The following BRWD3 variants were observed in gnomAD, a reference collection of about 807,000 sequenced individuals.
The protein encoded by BRWD3 is bromodomain and WD repeat-containing protein 3.
Under a neutral mutation model 149.7 loss-of-function variants are expected in BRWD3, and 10 were observed. The observed-to-expected ratio is 0.07, with a 90% confidence interval of 0.04 to 0.11. The LOEUF (loss-of-function observed/expected upper bound fraction) is 0.11, where lower values mean the gene tolerates loss of function less well. BRWD3 is among the 10% of genes least tolerant of loss of function. BRWD3 has a pLI of 1.00. For missense variants in BRWD3, 940 were observed against 1,373.2 expected, an observed-to-expected ratio of 0.68 and a Z score of 4.99; for synonymous variants, 504 against 456.7, an observed-to-expected ratio of 1.10 and a Z score of -1.32.
chrX:80,802,021 AT>A (rs1175830625), intron 4 of BRWD3, among the ~76,000 whole-genome samples: 2 of 112,326 alleles, frequency 1.8e-5, no homozygotes, highest in African/African-American at 3.2e-5. Flanking sequence ...TACACTAAAT[AT>A]CTTTTGACAT....
chrX:80,714,219 C>CTTTTTTT (rs987098536), intron 20 of BRWD3, among the ~76,000 whole-genome samples: 10 of 61,787 alleles, frequency 1.6e-4, no homozygotes, highest in East Asian at 1.1e-3. Context: ...AAACCTTCAT[C>CTTTTTTT]TTTTTTTTTT....
chrX:80,722,484 G>T, intron 17 of BRWD3, 78 bp downstream of exon 17: 2 of 894,843 alleles, frequency 2.2e-6, no homozygotes, highest in Non-Finnish European at 3.3e-6. Flanking sequence ...TTAGCAGGAG[G>T]CATACATCAT....
chrX:80,738,209 T>C (rs1254322910), intron 8 of BRWD3, among the ~76,000 whole-genome samples: 6 of 112,489 alleles, frequency 5.3e-5, no homozygotes, highest in African/African-American at 1.9e-4. Context: ...TGTGCCTTAA[T>C]AGAATTGTTT....
intron 17 of BRWD3, among the ~76,000 whole-genome samples, chrX:80,720,284 T>G (rs1028454937): frequency 9.0e-6 from 1 of 111,419 alleles, no homozygotes; most frequent in Non-Finnish European, 1.9e-5. Context: ...ACCTAAGAGA[T>G]AACAGCTCCA....
chrX:80,760,409 C>T lies in BRWD3; in HGVS notation c.431-14680G>A, dbSNP rs776113034. On this transcript the variant is annotated intron_variant, in intron 6 of 40. Transcript: ENST00000373275. ...GCAAAGAATTAATTAAAACTGAATACAATTCAAATAAAGGTTCTCCTGAAA... is the reference window on the plus strand; with the variant it reads ...GCAAAGAATTAATTAAAACTGAATATAATTCAAATAAAGGTTCTCCTGAAA... 1.9e-3 allele frequency among the ~76,000 whole-genome samples: 210 copies of T among 111,619 alleles called. 1 individual carries two copies. The highest frequency in any genetic ancestry group is 3.1e-3 in the Non-Finnish European group (165 of 53,009).
chrX:80,782,901 A>T (rs2074070075), intron 6 of BRWD3, among the ~76,000 whole-genome samples: 1 of 110,754 alleles, frequency 9.0e-6, no homozygotes, highest in African/African-American at 3.3e-5. Flanking sequence ...GACCCTATTT[A>T]AAAATAAATA....
chrX:80,682,123 A>AT (rs376330443), intron 38 of BRWD3, 29 bp from the exon 39 acceptor site: 12,293 of 846,382 alleles, frequency 0.015, 2 homozygotes, highest in East Asian at 0.019. Flanking sequence ...AACAACGAGC[A>AT]TTTTTTTTTT....
rs769804245 is a variant in BRWD3, at chrX:80,696,831, T to C, written c.2976A>G (p.Lys992=). The C allele has an allele frequency of 2.5e-6, 3 of 1,206,945 alleles. No homozygotes were observed. In the East Asian group the frequency reaches 8.9e-5, roughly 36 times the overall value. ...EQEFVKIVGI[K]YEVGPPTLCC... ...ACAGTGTGGGTGGGCCAACCTCATATTTGATTCCTACAATCTTAACAAACT... is the reference window on the plus strand; with the variant it reads ...ACAGTGTGGGTGGGCCAACCTCATACTTGATTCCTACAATCTTAACAAACT... Residue 992 remains lysine (K), a synonymous_variant, in exon 26 of 41, where the codon AAA becomes AAG. Transcript: ENST00000373275.
intron 6 of BRWD3, among the ~76,000 whole-genome samples, chrX:80,788,390 C>A (rs939425742): frequency 9.0e-6 from 1 of 110,904 alleles, no homozygotes; most frequent in Non-Finnish European, 1.9e-5. Context: ...AATAAAAAAA[C>A]GCAAACAACT....
At chrX:80,756,452 A>G (rs2073738627) in intron 6 of BRWD3, among the ~76,000 whole-genome samples, 2 of 93,690 alleles carry the variant, frequency 2.1e-5, no homozygotes, top group Non-Finnish European at 4.1e-5. Flanking sequence ...CAGTGAGCCG[A>G]GATCGCACCA....
intron 6 of BRWD3, among the ~76,000 whole-genome samples, chrX:80,774,470 T>A (rs1175526404): frequency 1.8e-5 from 2 of 109,870 alleles, no homozygotes; most frequent in Non-Finnish European, 3.8e-5. Context: ...GTCTCTCTTC[T>A]CCATCCTCAC....
rs1292894810 is a variant in BRWD3, at chrX:80,809,722, A to AGT, written c.-252_-251insAC. 4.3e-5 allele frequency: 9 copies of AGT among 209,469 alleles called. No homozygotes were observed. Among genetic ancestry groups the AGT allele is most frequent in the East Asian group, 3.3e-4 (5 of 15,210 alleles). The allele number at this position is 209,469 out of a possible 1,213,427, so 17.3% of individuals were successfully genotyped here. On this transcript the variant is annotated 5_prime_UTR_variant, in exon 1 of 41. Coordinates refer to ENST00000373275, the MANE Select transcript of BRWD3 (RefSeq NM_153252.5). Reference sequence around the variant, plus strand: ...GAGGGAGAGAGAGAGTGAGTGAGTGAGAGAGAGAGAGAGAAGAGAGAGAGA... The same window carrying AGT: ...GAGGGAGAGAGAGAGTGAGTGAGTGAGTGAGAGAGAGAGAGAAGAGAGAGAGA...
At chrX:80,730,478 A>AT (rs1411557348) in intron 12 of BRWD3, among the ~76,000 whole-genome samples, 1 of 110,832 alleles carries the variant, frequency 9.0e-6, no homozygotes, top group Non-Finnish European at 1.9e-5. Flanking sequence ...AATCTTGAAT[A>AT]GGCAAACCTA....
chrX:80,809,402 T>G, intron 1 of BRWD3, 39 bp downstream of exon 1: 2 of 1,094,127 alleles, frequency 1.8e-6, no homozygotes, highest in Non-Finnish European at 2.5e-6. Flanking sequence ...AAGCCCCCAT[T>G]CCCTTAGCAC....
intron 6 of BRWD3, among the ~76,000 whole-genome samples, chrX:80,770,294 A>AC (rs1225779723): frequency 9.0e-6 from 1 of 111,717 alleles, no homozygotes; most frequent in Non-Finnish European, 1.9e-5. Flanking sequence ...CAGAGACACA[A>AC]CAAAAAAAGA....
intron 31 of BRWD3, among the ~76,000 whole-genome samples, chrX:80,690,771 T>A (rs768114085): frequency 3.9e-4 from 44 of 111,969 alleles, no homozygotes; most frequent in African/African-American, 1.3e-3. Flanking sequence ...TAACGATGAA[T>A]CCACAAACCA....
chrX:80,732,107 G>C (rs2073341965), intron 12 of BRWD3, among the ~76,000 whole-genome samples: 1 of 110,625 alleles, frequency 9.0e-6, no homozygotes, highest in Admixed American at 9.7e-5. Flanking sequence ...TTCAGGCTAC[G>C]TGTATAAGGT....
In BRWD3 at chrX:80,716,270, C is replaced by A. The variant is rs2073073064; in HGVS notation, c.2232-20G>T. The A allele has an allele frequency of 9.1e-7, 1 of 1,102,735 alleles. No homozygotes were observed. Among genetic ancestry groups the A allele is most frequent in the Non-Finnish European group, 1.3e-6 (1 of 797,315 alleles). 90.9% of individuals were successfully genotyped at this position (1,102,735 alleles called of 1,213,427 possible). ...TGTACCCTAATAACAAGTCAAAGGT[C>A]AAAGTAACAGAAAATCAAGAAGAAA... On this transcript the variant is annotated intron_variant, in intron 19 of 40. Coordinates refer to ENST00000373275, the MANE Select transcript of BRWD3 (RefSeq NM_153252.5).
At chrX:80,760,122 T>C (rs1222145565) in intron 6 of BRWD3, among the ~76,000 whole-genome samples, 4 of 112,127 alleles carry the variant, frequency 3.6e-5, no homozygotes, top group Non-Finnish European at 7.5e-5. Flanking sequence ...ATACCTAATA[T>C]TTGTAAGTAT....
Sources: gnomAD v4.1 joint callset for allele counts (sites outside exome capture counted in the v4.1 genomes callset) on GRCh38, gnomAD v4.1.1 for gene constraint, MANE v1.5 for transcripts, NCBI Gene and HGNC (gene_info 2026-07-23, HGNC 2026-07-21) for gene names.